Variants in MRPL13 observed in about 807,000 individuals in gnomAD.
The protein encoded by MRPL13 is mitochondrial ribosomal protein L13, also known as large ribosomal subunit protein uL13m.
MRPL13 carries 33 observed loss-of-function variants against 29.0 expected under a neutral mutation model. The ratio of observed to expected loss-of-function variants is 1.14; its 90% CI spans 0.86 to 1.52. MRPL13 has a LOEUF of 1.52. Ranked by LOEUF, MRPL13 falls within the 40% of genes most tolerant of loss-of-function variation. The probability of loss-of-function intolerance (pLI) is 0.00; values close to 1 mark genes in which losing one functional copy is unlikely to be tolerated. For missense variants in MRPL13, 227 were observed against 216.7 expected, an observed-to-expected ratio of 1.05 and a Z score of -0.30; for synonymous variants, 77 against 68.4, an observed-to-expected ratio of 1.13 and a Z score of -0.62.
chr8:120,437,903 T>A (rs543435268), intron 2 of MRPL13, among the ~76,000 whole-genome samples: 2 of 152,334 alleles, frequency 1.3e-5, no homozygotes, highest in East Asian at 1.9e-4. Context: ...ATAGTGATTA[T>A]AAGCCCATAA....
At chr8:120,432,785 A>T (rs1813011391) in intron 2 of MRPL13, among the ~76,000 whole-genome samples, 1 of 152,092 alleles carries the variant, frequency 6.6e-6, no homozygotes, top group Non-Finnish European at 1.5e-5. Context: ...TCTATCCCTA[A>T]GTTTGGCTGT....
intron 5 of MRPL13, chr8:120,414,846 C>G (rs1220145662): frequency 1.3e-5 from 2 of 152,246 alleles, no homozygotes; most frequent in South Asian, 2.1e-4. Context: ...ACCACTTTCC[C>G]CCTACTATGT....
At chr8:120,444,966 G>C in intron 1 of MRPL13, 102 bp downstream of exon 1, 1 of 1,531,080 alleles carries the variant, frequency 6.5e-7, no homozygotes, top group Non-Finnish European at 9.0e-7. Flanking sequence ...CGAGGGTCTC[G>C]GCTTCCCTGC....
At chr8:120,397,106 T>C (rs1165634402) in intron 6 of MRPL13, among the ~76,000 whole-genome samples, 1 of 152,124 alleles carries the variant, frequency 6.6e-6, no homozygotes, top group Non-Finnish European at 1.5e-5. Flanking sequence ...AGTGAGTGAT[T>C]GTGTGACCCC....
At chr8:120,426,997 A>G (rs563650878) in intron 3 of MRPL13, among the ~76,000 whole-genome samples, 2 of 152,302 alleles carry the variant, frequency 1.3e-5, no homozygotes, top group East Asian at 3.9e-4. Context: ...CCCCTAAAAA[A>G]TTAGAAGTAA....
intron 5 of MRPL13, among the ~76,000 whole-genome samples, chr8:120,416,986 T>C (rs1286949798): frequency 1.3e-5 from 2 of 152,212 alleles, no homozygotes; most frequent in Non-Finnish European, 1.5e-5. Flanking sequence ...ATCACATGCA[T>C]TTAGTTACTA....
intron 6 of MRPL13, among the ~76,000 whole-genome samples, chr8:120,408,987 T>C (rs1040171199): frequency 1.3e-5 from 2 of 152,174 alleles, no homozygotes; most frequent in Non-Finnish European, 2.9e-5. Context: ...CTAATCCTCA[T>C]CCTACTTTCG....
intron 6 of MRPL13, among the ~76,000 whole-genome samples, chr8:120,405,572 C>A (rs749207319): frequency 5.9e-5 from 9 of 152,304 alleles, no homozygotes; most frequent in African/African-American, 2.2e-4. Flanking sequence ...CAGAGGAGCA[C>A]CTTCAGTAAG....
chr8:120,443,320 A>G lies in MRPL13; in HGVS notation c.28-12T>C, dbSNP rs547123527. ...AAAGTGGCCCATTGCTTGGGGGGGA[A>G]AAAAAAAAAAAAGAAGAGGAAAAAA... On this transcript the variant is annotated splice_polypyrimidine_tract_variant and intron_variant, in intron 1 of 6. Transcript: ENST00000306185. 0.01 allele frequency: 8,076 copies of G among 781,648 alleles called. 31 individuals are homozygous for G. The highest frequency in any genetic ancestry group is 0.043 in the African/African-American group (1,531 of 35,990). 48.4% of individuals were successfully genotyped at this position (781,648 alleles called of 1,614,324 possible).
At chr8:120,431,832 A>C (rs1035069087) in intron 3 of MRPL13, among the ~76,000 whole-genome samples, 198 bp downstream of exon 3, 14 of 152,134 alleles carry the variant, frequency 9.2e-5, no homozygotes, top group Admixed American at 2.0e-4. Flanking sequence ...AGGATAAACA[A>C]ATACTGTCAG....
intron 6 of MRPL13, among the ~76,000 whole-genome samples, chr8:120,397,696 A>G (rs1268241456): frequency 1.3e-5 from 2 of 151,856 alleles, no homozygotes; most frequent in Non-Finnish European, 2.9e-5. Context: ...AGCCAGGGTT[A>G]TATGAACAGG....
chr8:120,407,851 A>T (rs1000394072), intron 6 of MRPL13, among the ~76,000 whole-genome samples: 1 of 152,210 alleles, frequency 6.6e-6, no homozygotes, highest in East Asian at 1.9e-4. Context: ...TCACTCTTAC[A>T]TAATATTTCT....
At chr8:120,416,594 C>T (rs1301881590) in intron 5 of MRPL13, among the ~76,000 whole-genome samples, 1 of 152,152 alleles carries the variant, frequency 6.6e-6, no homozygotes, top group East Asian at 1.9e-4. Context: ...CAAACAGAAA[C>T]AGGGGTCAAG....
chr8:120,435,657 A>C (rs1001552493), intron 2 of MRPL13, among the ~76,000 whole-genome samples: 4 of 151,996 alleles, frequency 2.6e-5, no homozygotes, highest in Non-Finnish European at 5.9e-5. Context: ...GAACAGTGCT[A>C]AAATGAACAT....
At chr8:120,403,755 TATTTATAA>T (rs1438828744) in intron 6 of MRPL13, among the ~76,000 whole-genome samples, 5 of 152,212 alleles carry the variant, frequency 3.3e-5, no homozygotes, top group Non-Finnish European at 7.3e-5. Flanking sequence ...TCCTTTTCTA[TATTTATAA>T]ATTTATAAAT....
chr8:120,407,623 T>C (rs141821638), intron 6 of MRPL13, among the ~76,000 whole-genome samples: 2,057 of 151,198 alleles, frequency 0.014, 43 homozygotes, highest in African/African-American at 0.046. Flanking sequence ...CACCCCAGCC[T>C]GGGCAAAAAG....
intron 6 of MRPL13, 121 bp from the exon 7 acceptor site, chr8:120,396,246 C>A: frequency 1.4e-6 from 1 of 715,596 alleles, no homozygotes. Flanking sequence ...GCTACAAACA[C>A]TATATCTAAA....
At chr8:120,422,690 T>TGGGCGACAGAGCGAGACTCCGTCTCA (rs1554633980) in intron 4 of MRPL13, among the ~76,000 whole-genome samples, 6 of 150,784 alleles carry the variant, frequency 4.0e-5, no homozygotes, top group Non-Finnish European at 8.9e-5. Context: ...TAATATTGTT[T>TGGGCGACAGAGCGAGACTCCGTCTCA]ATAAAAATAT....
chr8:120,432,095 CATT>C lies in MRPL13; in HGVS notation c.177_179del (p.Ile59del), dbSNP rs1813003375. The C allele has an allele frequency of 6.2e-7, 1 of 1,603,278 alleles. No individual in the cohort carries two copies. The highest frequency in any genetic ancestry group is 8.5e-7 in the Non-Finnish European group (1 of 1,175,260). On this transcript the variant is annotated inframe_deletion, in exon 3 of 7. Transcript: ENST00000306185. ...CAGAAAATGCAATGTGTCTTGTGTT[CATT>C]ATAACAACATGATCCCCACAGTCAC...
Sources: allele counts gnomAD v4.1 joint callset (sites outside exome capture counted in the v4.1 genomes callset), GRCh38; gene constraint gnomAD v4.1.1; transcripts MANE v1.5; gene names NCBI Gene and HGNC (gene_info 2026-07-23, HGNC 2026-07-21).